The following MCCC1 variants were observed in gnomAD, a reference collection of about 807,000 sequenced individuals.
MCCC1 encodes the protein methylcrotonyl-CoA carboxylase subunit 1, also known as methylcrotonoyl-CoA carboxylase subunit alpha, mitochondrial.
A neutral mutation model predicts 83.8 loss-of-function variants in MCCC1; 64 were observed. The ratio of observed to expected loss-of-function variants is 0.76; its 90% confidence interval spans 0.62 to 0.94. The LOEUF (loss-of-function observed/expected upper bound fraction) is 0.94. Among genes scored for constraint, MCCC1 ranks in the 40% least tolerant of loss-of-function variants. The pLI is 0.00. For synonymous variants in MCCC1, 322 were observed against 315.4 expected (o/e 1.02, Z -0.22); for missense variants, 807 against 904.7 (o/e 0.89, Z 1.39).
At chr3:183,090,232 G>A (rs537641536) in intron 3 of MCCC1, among the ~76,000 whole-genome samples, 6 of 152,322 alleles carry the variant, frequency 3.9e-5, no homozygotes, top group African/African-American at 1.4e-4. Flanking sequence ...AGGGAGCAGT[G>A]TACTAGGATG....
intron 4 of MCCC1, among the ~76,000 whole-genome samples, chr3:183,084,176 T>G (rs563464221): frequency 3.9e-5 from 6 of 152,246 alleles, no homozygotes; most frequent in African/African-American, 1.4e-4. Flanking sequence ...GGATTACACA[T>G]GTGAGCCACT....
chr3:183,027,229 CCT>C (rs1712684142), intron 14 of MCCC1, among the ~76,000 whole-genome samples: 1 of 152,258 alleles, frequency 6.6e-6, no homozygotes, highest in East Asian at 1.9e-4. Context: ...CAGCCATTCC[CCT>C]GTCTCTCTCC....
At position 183,034,116 on chromosome 3, in the gene MCCC1, A is replaced by G. The variant is rs774182267; in HGVS notation, c.1595-39T>C. Reference sequence around the variant, plus strand: ...AAAATTCAGTAACAAACTTATGAGTATCAAGCCTATGAAATTTACACCTTA... The same window carrying G: ...AAAATTCAGTAACAAACTTATGAGTGTCAAGCCTATGAAATTTACACCTTA... On this transcript the variant is annotated intron_variant, in intron 13 of 18. Transcript: ENST00000265594. The G allele has an allele frequency of 2.2e-6, 3 of 1,360,664 alleles. No homozygotes were observed. In the South Asian group the frequency reaches 3.5e-5, roughly 16 times the overall value. The allele number at this position is 1,360,664 out of a possible 1,614,324, so 84.3% of individuals were successfully genotyped here.
intron 1 of MCCC1, among the ~76,000 whole-genome samples, chr3:183,112,897 A>AC (rs1719522803): frequency 6.6e-6 from 1 of 150,856 alleles, no homozygotes; most frequent in Non-Finnish European, 1.5e-5. Context: ...ATGTAGTGAG[A>AC]CCCCCATCTT....
In MCCC1 at chr3:183,020,952, C is replaced by T. The variant is rs532734557; in HGVS notation, c.1870-715G>A. Among the ~76,000 whole-genome samples the T allele has an allele frequency of 5.3e-5, 8 of 151,440 alleles. No individual in the cohort carries two copies. In the South Asian group the frequency reaches 1.0e-3, roughly 20 times the overall value. On this transcript the variant is annotated intron_variant, in intron 16 of 18. Transcript: ENST00000265594. ...GCGGGCGCCTGCAGTCCCAGCTACT[C>T]GGGAGGCTGAGGCAGGAGAATGGAG...
intron 7 of MCCC1, among the ~76,000 whole-genome samples, chr3:183,059,839 G>A (rs1213082046): frequency 1.3e-5 from 2 of 152,064 alleles, no homozygotes; most frequent in Non-Finnish European, 2.9e-5. Flanking sequence ...CTTCTTGCAT[G>A]GTTTCTGATA....
At chr3:183,073,368 C>T (rs1716838402) in intron 4 of MCCC1, among the ~76,000 whole-genome samples, 2 of 152,082 alleles carry the variant, frequency 1.3e-5, no homozygotes, top group African/African-American at 2.4e-5. Flanking sequence ...CATCCAAAAG[C>T]CCCAAACAGA....
intron 4 of MCCC1, among the ~76,000 whole-genome samples, chr3:183,086,214 C>G (rs1458040954): frequency 2.6e-5 from 4 of 152,240 alleles, no homozygotes; most frequent in Non-Finnish European, 4.4e-5. Context: ...ACTGAACATT[C>G]TTCTCCCTTG....
chr3:183,079,521 T>A (rs13061424), intron 4 of MCCC1, among the ~76,000 whole-genome samples: 84,232 of 152,152 alleles, frequency 0.55, 28,715 homozygotes, highest in Non-Finnish European at 0.76. Context: ...CTTGGGCAGC[T>A]CCAACCTTGT....
At chr3:183,067,156 A>G (rs2108519769) in intron 7 of MCCC1, among the ~76,000 whole-genome samples, 1 of 152,292 alleles carries the variant, frequency 6.6e-6, no homozygotes. Flanking sequence ...GCCCCTGGGG[A>G]AAACTGGCCT....
intron 4 of MCCC1, among the ~76,000 whole-genome samples, chr3:183,075,900 T>C (rs1438761666): frequency 2.0e-5 from 3 of 152,176 alleles, no homozygotes; most frequent in African/African-American, 7.2e-5. Flanking sequence ...AAGTTCCTTA[T>C]AGATGCTAGA....
At chr3:183,040,761 T>G (rs1195180421) in intron 11 of MCCC1, among the ~76,000 whole-genome samples, 1 of 151,864 alleles carries the variant, frequency 6.6e-6, no homozygotes, top group Non-Finnish European at 1.5e-5. Flanking sequence ...AACAAAAAAC[T>G]TGTCCTAATT....
chr3:183,041,737 T>C lies in MCCC1; in HGVS notation c.1097A>G (p.Glu366Gly). ...VEWQLRIAAG[E>G]KIPLSQEEIT... ...TTCTTCCTGGCTCAAAGGAATCTTC[T>C]CTCCTGCTGCAATCTGGCAATAGAA... Residue 366 changes from glutamate (E) to glycine (G), a missense_variant, in exon 11 of 19, where the codon GAG (glutamate) becomes GGG (glycine). Physicochemically the swap from Glu to Gly is moderately conservative, Grantham distance 98. Coordinates refer to ENST00000265594, the MANE Select transcript of MCCC1 (RefSeq NM_020166.5). 1 of 1,614,180 alleles carries C rather than the reference T, an allele frequency of 6.2e-7. No homozygotes were observed. Among genetic ancestry groups the C allele is most frequent in the Non-Finnish European group, 8.5e-7 (1 of 1,180,028 alleles).
At chr3:183,083,536 G>T (rs9812846) in intron 4 of MCCC1, among the ~76,000 whole-genome samples, 142,207 of 152,268 alleles carry the variant, frequency 0.93, 66,438 homozygotes, top group East Asian at 1. Flanking sequence ...CTGAAAGTAT[G>T]TTATTCTTTT....
intron 2 of MCCC1, among the ~76,000 whole-genome samples, chr3:183,094,239 A>G (rs1718578656): frequency 6.6e-6 from 1 of 151,746 alleles, no homozygotes. Flanking sequence ...TAGTAGACAC[A>G]GGGTTTTGCC....
At chr3:183,042,656 T>C (rs1560225526) in intron 10 of MCCC1, among the ~76,000 whole-genome samples, 7 of 151,712 alleles carry the variant, frequency 4.6e-5, no homozygotes, top group African/African-American at 1.5e-4. Flanking sequence ...CGGAACTAAG[T>C]TAAATACCTT....
At position 183,033,979 on chromosome 3, in the gene MCCC1, A is replaced by AAC; in HGVS notation, c.1681+10_1681+11dup. 6.4e-7 allele frequency: 1 copy of AAC among 1,567,138 alleles called. No individual in the cohort carries two copies. Among genetic ancestry groups the AAC allele is most frequent in the Admixed American group, 1.7e-5 (1 of 59,938 alleles). On this transcript the variant is annotated intron_variant, in intron 14 of 18. Transcript: ENST00000265594. ...ATGACTCACATTTCTCTTTTAATGA[A>AAC]ACATTACTTACTGTTTTTACCATCT...
At chr3:183,101,076 C>T (rs1577380497), upstream of MCCC1, among the ~76,000 whole-genome samples, 1 of 152,378 alleles carries the variant, frequency 6.6e-6, no homozygotes, top group East Asian at 1.9e-4. Flanking sequence ...AGTCCCCCAG[C>T]AGTGCTGGCC....
intron 14 of MCCC1, among the ~76,000 whole-genome samples, chr3:183,032,763 A>G (rs1477191099): frequency 1.3e-5 from 2 of 151,762 alleles, no homozygotes; most frequent in African/African-American, 4.8e-5. Flanking sequence ...AGTCTCAGAT[A>G]CTCGGGAGGC....
Sources: gnomAD v4.1 joint callset for allele counts (sites outside exome capture counted in the v4.1 genomes callset) on GRCh38, gnomAD v4.1.1 for gene constraint, MANE v1.5 for transcripts, NCBI Gene and HGNC (gene_info 2026-07-23, HGNC 2026-07-21) for gene names.